The following PCDH15 variants were observed in gnomAD, a reference collection of about 807,000 sequenced individuals.
PCDH15 encodes the protein protocadherin-15.
A neutral mutation model predicts 178.5 loss-of-function variants in PCDH15; 129 were observed. The observed-to-expected ratio is 0.72, with a 90% CI of 0.63 to 0.84. The LOEUF is 0.84. Ranked by LOEUF, PCDH15 falls within the 40% of genes least tolerant of loss-of-function variation. The probability of loss-of-function intolerance (pLI) is 0.00; values close to 1 mark genes in which losing one functional copy is unlikely to be tolerated. For synonymous variants in PCDH15, 800 were observed against 732.0 expected (o/e 1.09, Z -1.50); for missense variants, 2,230 against 2,099.9 (o/e 1.06, Z -1.21).
At chr10:55,233,618 A>C (rs1199832736) in intron 1 of PCDH15, among the ~76,000 whole-genome samples, 1 of 152,004 alleles carries the variant, frequency 6.6e-6, no homozygotes, top group African/African-American at 2.4e-5. Context: ...TTCTCCTAAC[A>C]ATCTACCAGA....
intron 18 of PCDH15, among the ~76,000 whole-genome samples, chr10:54,028,132 T>C (rs1229191851): frequency 6.0e-5 from 9 of 149,784 alleles, no homozygotes; most frequent in African/African-American, 2.0e-4. Context: ...GCGAAGGACA[T>C]GAACAGACAC....
At chr10:54,069,959 TAATA>T (rs963693761) in intron 17 of PCDH15, among the ~76,000 whole-genome samples, 9 of 152,158 alleles carry the variant, frequency 5.9e-5, no homozygotes, top group African/African-American at 1.9e-4. Flanking sequence ...CTAATAAACC[TAATA>T]AATAAAAAGT....
chr10:55,511,138 G>T (rs2132151795), intron 2 of PCDH15, among the ~76,000 whole-genome samples: 1 of 151,714 alleles, frequency 6.6e-6, no homozygotes, highest in Admixed American at 6.6e-5. Flanking sequence ...CTTCCAAAGT[G>T]GTGGGATTAC....
At chr10:54,256,543 A>G (rs1429381438) in intron 8 of PCDH15, among the ~76,000 whole-genome samples, 1 of 152,174 alleles carries the variant, frequency 6.6e-6, no homozygotes, top group Non-Finnish European at 1.5e-5. Flanking sequence ...TAAGTAATAT[A>G]GATTGAATCA....
intron 8 of PCDH15, among the ~76,000 whole-genome samples, chr10:54,296,144 CA>C (rs59721161): frequency 0.26 from 12,173 of 47,434 alleles, 258 homozygotes; most frequent in Middle Eastern, 0.47. Context: ...GACTCCGTCT[CA>C]AAAAAAAAAA....
intron 13 of PCDH15, among the ~76,000 whole-genome samples, chr10:54,156,656 G>T (rs1157841816): frequency 6.6e-6 from 1 of 152,126 alleles, no homozygotes; most frequent in Non-Finnish European, 1.5e-5. Flanking sequence ...CAAATCTAAT[G>T]TTCTCACATT....
chr10:54,616,251 T>C (rs1027856621), intron 2 of PCDH15, among the ~76,000 whole-genome samples: 2 of 152,058 alleles, frequency 1.3e-5, no homozygotes, highest in African/African-American at 4.8e-5. Flanking sequence ...AGAAGAGCTC[T>C]GCAAAAACTA....
At chr10:54,271,597 A>G (rs2058052948) in intron 8 of PCDH15, among the ~76,000 whole-genome samples, 1 of 152,106 alleles carries the variant, frequency 6.6e-6, no homozygotes, top group Non-Finnish European at 1.5e-5. Flanking sequence ...TAGGCACAAG[A>G]TTTTGTTTTC....
chr10:54,624,037 T>C (rs1477754162), intron 2 of PCDH15, among the ~76,000 whole-genome samples: 1 of 152,128 alleles, frequency 6.6e-6, no homozygotes, highest in African/African-American at 2.4e-5. Flanking sequence ...TTAAAAAATC[T>C]TTTCAAAAAC....
rs1379900720 is a variant in PCDH15, at chr10:54,346,432, G to A, written c.527C>T (p.Ala176Val). The change falls in exon 6 of 38, where the codon GCT becomes GTT. Residue 176 changes from alanine (A) to valine (V), a missense_variant. Coordinates refer to ENST00000644397, the MANE Select transcript of PCDH15 (RefSeq NM_001384140.1). The stretch of plus-strand genomic sequence containing the variant: ...ATTTGGTCCATCATCTATATCTGTA[G>A]CTCCATTGTCTCCTGAAAATCCTGT... The part of the protein sequence containing the change: ...IFTGFSGDNG[A>V]TDIDDGPNGQ... The A allele has an allele frequency of 5.0e-6, 8 of 1,613,338 alleles. No individual in the cohort carries two copies. Among genetic ancestry groups the A allele is most frequent in the Non-Finnish European group, 6.8e-6 (8 of 1,179,604 alleles).
At position 54,349,586 on chromosome 10, in the gene PCDH15, C is replaced by T. The variant is rs549665271; in HGVS notation, c.475-3102G>A. 2.1e-3 allele frequency among the ~76,000 whole-genome samples: 315 copies of T among 152,224 alleles called. 1 individual carries two copies. The highest frequency in any genetic ancestry group is 7.2e-3 in the African/African-American group (300 of 41,528). Reference sequence around the variant, plus strand: ...ATTACCATCAAGTAATATTTTTCTTCATCACTGACATGGCTTTTTCCATGC... The same window carrying T: ...ATTACCATCAAGTAATATTTTTCTTTATCACTGACATGGCTTTTTCCATGC... On this transcript the variant is annotated intron_variant, in intron 5 of 37. Coordinates refer to ENST00000644397, the MANE Select transcript of PCDH15 (RefSeq NM_001384140.1).
intron 2 of PCDH15, among the ~76,000 whole-genome samples, chr10:54,904,614 G>A (rs1954689810): frequency 6.6e-6 from 1 of 152,018 alleles, no homozygotes; most frequent in South Asian, 2.1e-4. Flanking sequence ...TATAAAGAGA[G>A]AGACCTTTTG....
At chr10:54,571,539 C>A (rs2089844700) in intron 2 of PCDH15, among the ~76,000 whole-genome samples, 1 of 152,004 alleles carries the variant, frequency 6.6e-6, no homozygotes, top group Admixed American at 6.6e-5. Context: ...AATGTACTAA[C>A]CCATGAGGAC....
chr10:54,709,079 T>C (rs1403952311), intron 1 of PCDH15, among the ~76,000 whole-genome samples: 1 of 152,134 alleles, frequency 6.6e-6, no homozygotes, highest in Non-Finnish European at 1.5e-5. Flanking sequence ...TGCTTTAAAT[T>C]CTTACCACCA....
At chr10:54,100,835 G>A (rs1008086138) in intron 15 of PCDH15, among the ~76,000 whole-genome samples, 3 of 151,702 alleles carry the variant, frequency 2.0e-5, no homozygotes, top group Non-Finnish European at 4.4e-5. Flanking sequence ...GGTGGGGGGG[G>A]ATTTTTTTTT....
chr10:55,094,770 A>T (rs1415214419), intron 2 of PCDH15, among the ~76,000 whole-genome samples: 1 of 152,012 alleles, frequency 6.6e-6, no homozygotes, highest in East Asian at 1.9e-4. Context: ...CAGCACTGTG[A>T]TCAGTGCTTA....
At chr10:54,246,090 A>G (rs1214235978) in intron 8 of PCDH15, among the ~76,000 whole-genome samples, 1 of 151,978 alleles carries the variant, frequency 6.6e-6, no homozygotes, top group African/African-American at 2.4e-5. Context: ...AAATATTGAG[A>G]GGGACATACG....
intron 3 of PCDH15, among the ~76,000 whole-genome samples, chr10:54,435,506 G>A (rs2075322731): frequency 6.6e-6 from 1 of 152,048 alleles, no homozygotes; most frequent in South Asian, 2.1e-4. Flanking sequence ...TGCAGCTGCC[G>A]AACAAATATC....
intron 13 of PCDH15, among the ~76,000 whole-genome samples, chr10:54,172,264 C>A (rs1382871021): frequency 5.3e-5 from 8 of 152,058 alleles, no homozygotes. Flanking sequence ...CTTTTCCTGG[C>A]TCATCCTGGC....
Sources: gnomAD v4.1 joint callset for allele counts (sites outside exome capture counted in the v4.1 genomes callset) on GRCh38, gnomAD v4.1.1 for gene constraint, MANE v1.5 for transcripts, NCBI Gene and HGNC (gene_info 2026-07-23, HGNC 2026-07-21) for gene names.